The following DRD3 variants were observed in gnomAD, a reference collection of about 807,000 sequenced individuals.
DRD3 encodes D(3) dopamine receptor.
Under a neutral mutation model 36.3 loss-of-function variants are expected in DRD3, and 19 were observed. The ratio of observed to expected loss-of-function variants is 0.52; its 90% CI spans 0.36 to 0.77. The LOEUF (loss-of-function observed/expected upper bound fraction) is 0.77. DRD3 is among the 30% of genes least tolerant of loss of function. The pLI, the probability that DRD3 is intolerant of heterozygous loss-of-function variation, is 0.00. For missense variants in DRD3, 465 were observed against 505.3 expected (o/e 0.92, Z 0.77); for synonymous variants, 195 against 203.7 (o/e 0.96, Z 0.36).
chr3:114,183,396 C>A (rs2077958503), upstream of DRD3, among the ~76,000 whole-genome samples: 1 of 152,144 alleles, frequency 6.6e-6, no homozygotes, highest in Non-Finnish European at 1.5e-5. Context: ...ATGTGCATAT[C>A]ATTGTTGTTG....
At chr3:114,140,846 T>C (rs2107839493) in intron 4 of DRD3, among the ~76,000 whole-genome samples, 1 of 152,294 alleles carries the variant, frequency 6.6e-6, no homozygotes, top group East Asian at 1.9e-4. Context: ...AACCTCAAAG[T>C]TGGCCTTGGA....
intron 6 of DRD3, among the ~76,000 whole-genome samples, chr3:114,130,060 C>CA (rs1421652683): frequency 5.9e-5 from 9 of 151,950 alleles, no homozygotes; most frequent in Admixed American, 5.9e-4. Context: ...CCAGCCTGGG[C>CA]AACGTAATGA....
chr3:114,171,928 C>A lies in DRD3; in HGVS notation c.65G>T (p.Gly22Val). The A allele has an allele frequency of 5.6e-6, 9 of 1,598,178 alleles. No homozygotes were observed. Among genetic ancestry groups the A allele is most frequent in the Non-Finnish European group, 7.7e-6 (9 of 1,171,716 alleles). ...NYTCGAENST[G>V]ASQARPHAYY... ...GGCATGTGGGCGGGCCTGGCTGGCA[C>A]CTGTGGAGTTCTCTGCCCCACAGGT... Residue 22 changes from glycine to valine, a missense_variant, in exon 2 of 7, where the codon GGT becomes GTT. Gly to Val is a moderately radical substitution (Grantham distance 109). Transcript: ENST00000383673.
chr3:114,176,033 G>A (rs2077895244), intron 1 of DRD3: 1 of 152,162 alleles, frequency 6.6e-6, no homozygotes, highest in East Asian at 1.9e-4. Context: ...TAAAAAGGCA[G>A]GGGAACAGAG....
upstream of DRD3, among the ~76,000 whole-genome samples, chr3:114,183,365 T>A (rs898523669): frequency 1.3e-5 from 2 of 152,222 alleles, no homozygotes; most frequent in Non-Finnish European, 1.5e-5. Flanking sequence ...CTGGAAAATG[T>A]CCCATGTGTA....
intron 5 of DRD3, 99 bp from the exon 6 acceptor site, chr3:114,131,499 C>A: frequency 6.8e-7 from 1 of 1,461,218 alleles, no homozygotes; most frequent in South Asian, 1.4e-5. Flanking sequence ...AGGAAGACGG[C>A]AACACAGTTG....
Position 114,145,224 on chromosome 3 carries a change from C to T in DRD3, c.526+2191G>A, listed in dbSNP as rs548486435. Among the ~76,000 whole-genome samples, 69 of 152,140 alleles carry T rather than the reference C, an allele frequency of 4.5e-4. 1 individual carries two copies. The highest frequency in any genetic ancestry group is 8.8e-4 in the Non-Finnish European group (60 of 68,032). On this transcript the variant is annotated intron_variant, in intron 4 of 6. Coordinates refer to ENST00000383673, the MANE Select transcript of DRD3 (RefSeq NM_000796.6). ...ACACTAGAATTTCCAACTAAGAATG[C>T]ATTTTCATATAGAAACAAGGTTACA... is the stretch of plus-strand genomic sequence containing the variant.
chr3:114,136,205 C>A (rs1049914802), intron 5 of DRD3, among the ~76,000 whole-genome samples: 1 of 150,898 alleles, frequency 6.6e-6, no homozygotes. Flanking sequence ...CAGAGTGAGA[C>A]TCTGTCTCAA....
At chr3:114,144,181 A>C (rs1559985254) in intron 4 of DRD3, among the ~76,000 whole-genome samples, 1 of 152,258 alleles carries the variant, frequency 6.6e-6, no homozygotes, top group Non-Finnish European at 1.5e-5. Context: ...GAACAGGAGC[A>C]ACTCCAAGTT....
upstream of DRD3, among the ~76,000 whole-genome samples, chr3:114,182,215 C>T (rs1044223376): frequency 6.6e-6 from 1 of 152,150 alleles, no homozygotes; most frequent in Non-Finnish European, 1.5e-5. Context: ...CTGTTCCTCT[C>T]CAATGAGATC....
intron 1 of DRD3, among the ~76,000 whole-genome samples, chr3:114,185,468 A>G (rs879660974): frequency 6.6e-6 from 1 of 151,930 alleles, no homozygotes; most frequent in Non-Finnish European, 1.5e-5. Context: ...TAGTGTTTCT[A>G]TCTCTTCGCT....
intron 4 of DRD3, among the ~76,000 whole-genome samples, chr3:114,144,792 T>A (rs2077556393): frequency 1.3e-5 from 2 of 152,026 alleles, no homozygotes; most frequent in African/African-American, 4.8e-5. Context: ...ATTAATAAAC[T>A]TAAATGTAAA....
upstream of DRD3, among the ~76,000 whole-genome samples, chr3:114,182,729 C>G (rs959513057): frequency 6.6e-6 from 1 of 152,020 alleles, no homozygotes; most frequent in Non-Finnish European, 1.5e-5. Context: ...CTCTAAGTAC[C>G]TCATATAAGT....
chr3:114,198,780 C>T (rs191351389), intron 1 of DRD3, among the ~76,000 whole-genome samples: 39 of 151,996 alleles, frequency 2.6e-4, no homozygotes, highest in Admixed American at 1.6e-3. Flanking sequence ...CTCTGTTGCC[C>T]AGGTTGGAAT....
intron 1 of DRD3, among the ~76,000 whole-genome samples, chr3:114,172,838 G>C (rs2107886633): frequency 6.6e-6 from 1 of 152,226 alleles, no homozygotes; most frequent in South Asian, 2.1e-4. Context: ...TCACAGTTCT[G>C]AAGGCTAGGG....
intron 1 of DRD3, among the ~76,000 whole-genome samples, chr3:114,184,811 A>T (rs1057370709): frequency 6.6e-6 from 1 of 152,078 alleles, no homozygotes; most frequent in Non-Finnish European, 1.5e-5. Flanking sequence ...TGATCTGCCC[A>T]CCCTGGCCTC....
intron 1 of DRD3, among the ~76,000 whole-genome samples, chr3:114,196,598 C>T (rs979533687): frequency 6.6e-6 from 1 of 152,144 alleles, no homozygotes; most frequent in Non-Finnish European, 1.5e-5. Context: ...TACATTTCCA[C>T]CAACAATGCA....
chr3:114,180,108 A>G (rs368110417), upstream of DRD3, among the ~76,000 whole-genome samples: 40 of 152,290 alleles, frequency 2.6e-4, no homozygotes, highest in African/African-American at 9.1e-4. Context: ...ATAGTCTTCC[A>G]AAAGAAGAAA....
In DRD3 at chr3:114,188,007, A is replaced by G. The variant is rs146130745; in HGVS notation, c.-155-9231T>C. ...CCTAGGAAGAGAAAAAGAGAAGCAA[A>G]TACCTGAGCATCTCCCCTCTCCATA... On this transcript the variant is annotated intron_variant, in intron 1 of 7. Coordinates refer to the DRD3 transcript ENST00000460779. Among the ~76,000 whole-genome samples, 293 of 152,210 alleles carry G rather than the reference A, an allele frequency of 1.9e-3. 1 individual carries two copies. The highest frequency in any genetic ancestry group is 6.7e-3 in the African/African-American group (278 of 41,522).
Sources: gnomAD v4.1 joint callset for allele counts (sites outside exome capture counted in the v4.1 genomes callset) on GRCh38, gnomAD v4.1.1 for gene constraint, MANE v1.5 for transcripts, NCBI Gene and HGNC (gene_info 2026-07-23, HGNC 2026-07-21) for gene names.